The following SLC38A7 variants were observed in gnomAD, a reference collection of about 807,000 sequenced individuals.
SLC38A7 encodes the protein sodium-coupled neutral amino acid transporter 7.
A neutral mutation model predicts 50.1 loss-of-function variants in SLC38A7; 29 were observed. That is an observed-to-expected ratio of 0.58 (90% confidence interval 0.43 to 0.79). SLC38A7 has a LOEUF of 0.79. Ranked by LOEUF, SLC38A7 falls within the 30% of genes least tolerant of loss-of-function variation. SLC38A7 has a pLI of 0.00. For missense variants in SLC38A7, 483 were observed against 610.6 expected (o/e 0.79, Z 2.20); for synonymous variants, 244 against 245.9 (o/e 0.99, Z 0.07).
chr16:58,669,963 A>G (rs2044126526), intron 11 of SLC38A7, 150 bp downstream of exon 11: 7 of 687,012 alleles, frequency 1.0e-5, no homozygotes, highest in Non-Finnish European at 1.7e-5. Context: ...CGACACAGCG[A>G]GACTCCGGCT....
chr16:58,683,820 G>C (rs1049442314), intron 2 of SLC38A7, 135 bp downstream of exon 2: 2 of 152,396 alleles, frequency 1.3e-5, no homozygotes, highest in Non-Finnish European at 2.9e-5. Context: ...CCACCCACAT[G>C]AGAGTGCAGG....
chr16:58,681,463 T>C (rs1358384149), intron 2 of SLC38A7: 1 of 152,124 alleles, frequency 6.6e-6, no homozygotes, highest in Non-Finnish European at 1.5e-5. Context: ...CTCGAGAGGC[T>C]CTGAGGAGCC....
intron 3 of SLC38A7, among the ~76,000 whole-genome samples, chr16:58,679,198 C>A (rs1039234314): frequency 3.9e-5 from 6 of 152,064 alleles, no homozygotes; most frequent in African/African-American, 1.2e-4. Flanking sequence ...TTGAGACCAG[C>A]CTGGCCAACA....
At position 58,678,188 on chromosome 16, in the gene SLC38A7, C is replaced by A. The variant is rs919345918; in HGVS notation, c.611+145G>T. The A allele has an allele frequency of 3.4e-6, 3 of 878,494 alleles. No homozygotes were observed. Among genetic ancestry groups the A allele is most frequent in the Non-Finnish European group, 4.9e-6 (3 of 609,670 alleles). The allele number at this position is 878,494 out of a possible 1,614,324, so 54.4% of individuals were successfully genotyped here. A position where few individuals can be genotyped will look rare whatever the true frequency, so the allele number is the denominator to read the frequency against. ...AGAAAAGGATGGTCTTATCTGAAAC[C>A]CTGCAAGCCCCGGTCTGCCCTGCCT... is the stretch of plus-strand genomic sequence containing the variant. On this transcript the variant is annotated intron_variant, in intron 5 of 11. Transcript: ENST00000219320. This position sits in a 1 kb window ranked among gnomAD's most constrained non-coding sequence, Gnocchi z 4.0.
chr16:58,673,185 C>G (rs1250081981), intron 8 of SLC38A7, among the ~76,000 whole-genome samples: 1 of 143,294 alleles, frequency 7.0e-6, no homozygotes, highest in Non-Finnish European at 1.5e-5. Flanking sequence ...GGTTCTCATG[C>G]CTCAGCCTCC....
chr16:58,683,330 G>A (rs1449776467), intron 2 of SLC38A7, among the ~76,000 whole-genome samples: 2 of 152,158 alleles, frequency 1.3e-5, no homozygotes, highest in Non-Finnish European at 2.9e-5. Flanking sequence ...ACTTCCCATT[G>A]CTCCTCCTGA....
chr16:58,680,236 C>A lies in SLC38A7; in HGVS notation c.-110G>T. ...TTGGGGCTGTTAGCTTAGGACTCTTCTCAACCTAGATGGGACAAAGGCAGG... is the reference window on the plus strand; with the variant it reads ...TTGGGGCTGTTAGCTTAGGACTCTTATCAACCTAGATGGGACAAAGGCAGG... On this transcript the variant is annotated 5_prime_UTR_variant, in exon 3 of 12. Coordinates refer to ENST00000219320, the MANE Select transcript of SLC38A7 (RefSeq NM_018231.3). 1 of 1,279,534 alleles carries A rather than the reference C, an allele frequency of 7.8e-7. No individual in the cohort carries two copies. Among genetic ancestry groups the A allele is most frequent in the South Asian group, 2.0e-5 (1 of 50,750 alleles). 79.3% of individuals were successfully genotyped at this position (1,279,534 alleles called of 1,614,324 possible).
At chr16:58,671,502 G>T in intron 9 of SLC38A7, 1 of 566,340 alleles carries the variant, frequency 1.8e-6, no homozygotes, top group East Asian at 2.9e-5. Flanking sequence ...AACTGTCTGG[G>T]GCATCCAAAG....
intron 6 of SLC38A7, 79 bp from the exon 7 acceptor site, chr16:58,676,425 C>A: frequency 6.6e-7 from 1 of 1,505,030 alleles, no homozygotes; most frequent in South Asian, 1.1e-5. Flanking sequence ...ACTCTTCGGT[C>A]AGCCCACCAT....
intron 6 of SLC38A7, among the ~76,000 whole-genome samples, chr16:58,676,638 T>C (rs772911573): frequency 2.6e-5 from 4 of 152,136 alleles, no homozygotes; most frequent in Non-Finnish European, 5.9e-5. Context: ...AGGAAATTGT[T>C]TTTTTTGTTT....
chr16:58,678,578 C>T lies in SLC38A7; in HGVS notation c.470-104G>A. 1.9e-6 allele frequency: 3 copies of T among 1,556,122 alleles called. No homozygotes were observed. Reference sequence around the variant, plus strand: ...CTCCCTCTGCCTGGAGGGAGGATTCCCAGATGAATGCTGGGCCCAGGTAAG... The same window carrying T: ...CTCCCTCTGCCTGGAGGGAGGATTCTCAGATGAATGCTGGGCCCAGGTAAG... On this transcript the variant is annotated intron_variant, in intron 4 of 11. Transcript: ENST00000219320. This position sits in a 1 kb window ranked among gnomAD's most constrained non-coding sequence, Gnocchi z 4.0.
At chr16:58,677,875 T>A (rs896855689) in intron 5 of SLC38A7, among the ~76,000 whole-genome samples, 1 of 151,940 alleles carries the variant, frequency 6.6e-6, no homozygotes, top group Non-Finnish European at 1.5e-5. Context: ...GAGCGGAGCA[T>A]GGCCCCTGCA....
At chr16:58,683,018 C>G (rs1291009948) in intron 2 of SLC38A7, among the ~76,000 whole-genome samples, 1 of 151,670 alleles carries the variant, frequency 6.6e-6, no homozygotes, top group Non-Finnish European at 1.5e-5. Context: ...ACTTCTCCCA[C>G]GTGACAAGCC....
At chr16:58,674,053 G>A (rs1289627245) in intron 8 of SLC38A7, among the ~76,000 whole-genome samples, 2 of 150,484 alleles carry the variant, frequency 1.3e-5, no homozygotes, top group Non-Finnish European at 3.0e-5. Flanking sequence ...TCGAACTCCT[G>A]GCCTCAAGTG....
intron 11 of SLC38A7, among the ~76,000 whole-genome samples, chr16:58,667,730 T>G (rs982192307): frequency 2.6e-5 from 4 of 152,044 alleles, no homozygotes; most frequent in Non-Finnish European, 4.4e-5. Context: ...ACGATTCGAA[T>G]GTAGGCATCC....
At chr16:58,674,814 G>A (rs771413500) in intron 8 of SLC38A7, among the ~76,000 whole-genome samples, 10 of 152,080 alleles carry the variant, frequency 6.6e-5, no homozygotes, top group Non-Finnish European at 1.5e-4. Flanking sequence ...CGGTCTATCC[G>A]TGGAAAGAAC....
chr16:58,672,692 A>C (rs1017767194), intron 8 of SLC38A7, among the ~76,000 whole-genome samples: 2 of 151,934 alleles, frequency 1.3e-5, no homozygotes, highest in Non-Finnish European at 2.9e-5. Flanking sequence ...TGTTACCCAG[A>C]CTAGAGCGCA....
At chr16:58,668,290 A>C (rs1373135736) in intron 11 of SLC38A7, among the ~76,000 whole-genome samples, 1 of 144,710 alleles carries the variant, frequency 6.9e-6, no homozygotes, top group Admixed American at 7.0e-5. Flanking sequence ...AAATACAAAA[A>C]ATGGCTGGGT....
intron 11 of SLC38A7, among the ~76,000 whole-genome samples, chr16:58,668,340 C>T (rs2044084522): frequency 6.6e-6 from 1 of 151,956 alleles, no homozygotes; most frequent in South Asian, 2.1e-4. Context: ...TTTGGGAGGC[C>T]AAGGTGGGCG....
Sources: allele counts gnomAD v4.1 joint callset (sites outside exome capture counted in the v4.1 genomes callset), GRCh38; gene constraint gnomAD v4.1.1; non-coding constraint Gnocchi (gnomAD v3.1); transcripts MANE v1.5; gene names NCBI Gene and HGNC (gene_info 2026-07-23, HGNC 2026-07-21).